NELL1: variants seen among roughly 807,000 people sequenced by gnomAD.
The protein encoded by NELL1 is neural EGFL like 1.
Under a neutral mutation model 107.4 loss-of-function variants are expected in NELL1, and 76 were observed. The observed-to-expected ratio is 0.71, with a 90% CI of 0.59 to 0.86. The LOEUF (loss-of-function observed/expected upper bound fraction) is 0.86, where lower values mean the gene tolerates loss of function less well. NELL1 is among the 40% of genes least tolerant of loss of function. The pLI, the probability that NELL1 is intolerant of heterozygous loss-of-function variation, is 0.00. For synonymous variants in NELL1, 353 were observed against 341.2 expected (o/e 1.03, Z -0.38); for missense variants, 1,024 against 1,005.5 (o/e 1.02, Z -0.25).
At chr11:21,097,184 T>G (rs1209528081) in intron 12 of NELL1, among the ~76,000 whole-genome samples, 1 of 152,166 alleles carries the variant, frequency 6.6e-6, no homozygotes, top group Non-Finnish European at 1.5e-5. Flanking sequence ...TGTACTGTTC[T>G]TAACGTAGTC....
intron 10 of NELL1, among the ~76,000 whole-genome samples, chr11:20,943,872 A>G (rs1850909070): frequency 6.6e-6 from 1 of 152,214 alleles, no homozygotes; most frequent in Admixed American, 6.5e-5. Flanking sequence ...TTTTCAGTCT[A>G]TCTGAGAATA....
chr11:20,712,707 G>C (rs1855143668), intron 2 of NELL1, among the ~76,000 whole-genome samples: 1 of 152,162 alleles, frequency 6.6e-6, no homozygotes, highest in Admixed American at 6.5e-5. Flanking sequence ...ACTACGGATG[G>C]GGCTTACTGA....
At position 21,099,509 on chromosome 11, in the gene NELL1, G is replaced by A. The variant is rs11025914; in HGVS notation, c.1301-14080G>A. On this transcript the variant is annotated intron_variant, in intron 12 of 19. Transcript: ENST00000357134. ...CCAACTTGAGGAGACGCTGGCTTTC[G>A]CTTAGGTCCCCAAGGCTGGCTAGCA... Among the ~76,000 whole-genome samples the A allele has an allele frequency of 1.4e-3, 212 of 152,270 alleles. 4 individuals carry two copies. The East Asian group carries it at 0.03, about 22-fold the overall frequency.
chr11:20,975,571 G>A (rs891959740), intron 12 of NELL1, among the ~76,000 whole-genome samples: 5 of 131,644 alleles, frequency 3.8e-5, no homozygotes, highest in Non-Finnish European at 4.7e-5. Flanking sequence ...CAGATATAAT[G>A]TATTATATAC....
chr11:20,901,045 C>T (rs1849861453), intron 5 of NELL1, among the ~76,000 whole-genome samples: 1 of 152,000 alleles, frequency 6.6e-6, no homozygotes, highest in Admixed American at 6.6e-5. Context: ...AAGAGAATTC[C>T]TGTTAAAATC....
chr11:21,008,722 A>T (rs994056533), intron 12 of NELL1, among the ~76,000 whole-genome samples: 1 of 152,116 alleles, frequency 6.6e-6, no homozygotes, highest in Non-Finnish European at 1.5e-5. Context: ...GGGCAGGTGA[A>T]GTCCAGAGGT....
intron 16 of NELL1, among the ~76,000 whole-genome samples, chr11:21,559,057 T>G (rs1188280275): frequency 6.6e-6 from 1 of 152,116 alleles, no homozygotes; most frequent in Non-Finnish European, 1.5e-5. Context: ...TAATGAAATG[T>G]CTTGACTAAA....
rs547997435 is a variant in NELL1, at chr11:21,303,170, A to G, written c.1550-67683A>G. Among the ~76,000 whole-genome samples the G allele has an allele frequency of 1.8e-4, 28 of 152,138 alleles. 1 individual carries two copies. The highest frequency in any genetic ancestry group is 1.4e-3 in the Admixed American group (22 of 15,256). Reference sequence around the variant, plus strand: ...ATATATAGATAGATAAATAGAAACAAATAAATAACAGTGTAAGACATGGGC... The same window carrying G: ...ATATATAGATAGATAAATAGAAACAGATAAATAACAGTGTAAGACATGGGC... On this transcript the variant is annotated intron_variant, in intron 14 of 19. Transcript: ENST00000357134.
intron 14 of NELL1, among the ~76,000 whole-genome samples, chr11:21,354,848 C>T (rs1441151265): frequency 6.6e-6 from 1 of 152,164 alleles, no homozygotes; most frequent in African/African-American, 2.4e-5. Context: ...TGGAATTTAT[C>T]TCTTTAAAAG....
rs186554825 is a variant in NELL1, at chr11:21,144,597, T to A, written c.1426+30883T>A. Among the ~76,000 whole-genome samples the A allele has an allele frequency of 2.0e-3, 310 of 152,252 alleles. 1 individual carries two copies. The highest frequency in any genetic ancestry group is 0.017 in the Middle Eastern group (5 of 294). ...TTTCTACTCTGTCACTGGGGCCTTATCCCCAGGGAAATGTTCCTAGGAATG... is the reference window on the plus strand; with the variant it reads ...TTTCTACTCTGTCACTGGGGCCTTAACCCCAGGGAAATGTTCCTAGGAATG... On this transcript the variant is annotated intron_variant, in intron 13 of 19. Transcript: ENST00000357134.
chr11:21,087,218 T>C (rs1854416019), intron 12 of NELL1, among the ~76,000 whole-genome samples: 1 of 152,148 alleles, frequency 6.6e-6, no homozygotes, highest in Admixed American at 6.5e-5. Flanking sequence ...TTTTATTTCA[T>C]TGTCAAGAGC....
At chr11:21,309,758 G>C (rs1849708127) in intron 14 of NELL1, among the ~76,000 whole-genome samples, 1 of 151,996 alleles carries the variant, frequency 6.6e-6, no homozygotes, top group South Asian at 2.1e-4. Flanking sequence ...GAGAGAGCTT[G>C]TACAGGGAAA....
intron 14 of NELL1, among the ~76,000 whole-genome samples, chr11:21,336,662 TA>T (rs1181086211): frequency 3.4e-4 from 17 of 50,196 alleles, no homozygotes; most frequent in Admixed American, 8.4e-4. Flanking sequence ...TATATATATA[TA>T]TATATATATA....
Position 21,245,414 on chromosome 11 carries a change from G to A in NELL1, c.1549+15960G>A, listed in dbSNP as rs1858465449. 3.3e-5 allele frequency among the ~76,000 whole-genome samples: 5 copies of A among 152,254 alleles called. No individual in the cohort carries two copies. In the South Asian group the frequency reaches 6.2e-4, roughly 19 times the overall value. On this transcript the variant is annotated intron_variant, in intron 14 of 19. Transcript: ENST00000357134. ...AAATAAAGTGCTTGGCACAGTGCTT[G>A]TACACAGTAAATTCTTAGCTGTTGT...
At chr11:21,558,987 A>G (rs1856787754) in intron 16 of NELL1, among the ~76,000 whole-genome samples, 1 of 152,130 alleles carries the variant, frequency 6.6e-6, no homozygotes, top group Non-Finnish European at 1.5e-5. Context: ...TTGACTTACC[A>G]TACAGGCATC....
intron 4 of NELL1, among the ~76,000 whole-genome samples, chr11:20,856,783 A>C (rs1228893522): frequency 6.6e-6 from 1 of 152,204 alleles, no homozygotes; most frequent in East Asian, 1.9e-4. Context: ...GAAAATGTAG[A>C]ATTTTTGCTT....
intron 8 of NELL1, 26 bp from the exon 9 acceptor site, chr11:20,928,351 T>C (rs1850544625): frequency 1.9e-6 from 3 of 1,587,006 alleles, no homozygotes; most frequent in South Asian, 2.2e-5. Flanking sequence ...CTTCTGAGAT[T>C]ATGTTCCATG....
chr11:21,109,873 G>A (rs1855064615), intron 12 of NELL1, among the ~76,000 whole-genome samples: 1 of 152,030 alleles, frequency 6.6e-6, no homozygotes, highest in South Asian at 2.1e-4. Context: ...ATACACCCTT[G>A]AATCCTATTG....
intron 2 of NELL1, among the ~76,000 whole-genome samples, chr11:20,695,335 A>G (rs1009547650): frequency 6.6e-6 from 1 of 152,064 alleles, no homozygotes. Flanking sequence ...ACTGTGTTGA[A>G]TAGGAGTGGT....
Sources: allele counts gnomAD v4.1 joint callset (sites outside exome capture counted in the v4.1 genomes callset), GRCh38; gene constraint gnomAD v4.1.1; transcripts MANE v1.5; gene names NCBI Gene and HGNC (gene_info 2026-07-23, HGNC 2026-07-21).